PAPSS1: variants seen among roughly 807,000 people sequenced by gnomAD.
PAPSS1 encodes the protein bifunctional 3'-phosphoadenosine 5'-phosphosulfate synthase 1.
Under a neutral mutation model 72.0 loss-of-function variants are expected in PAPSS1, and 50 were observed. That is an observed-to-expected ratio of 0.69 (90% CI 0.55 to 0.88). The LOEUF is 0.88. Among genes scored for constraint, PAPSS1 ranks in the 40% least tolerant of loss-of-function variants. PAPSS1 has a pLI of 0.00. For synonymous variants in PAPSS1, 261 were observed against 263.6 expected, an observed-to-expected ratio of 0.99 and a Z score of 0.09; for missense variants, 657 against 782.2, an observed-to-expected ratio of 0.84 and a Z score of 1.91.
At chr4:107,648,357 A>G (rs1464221911) in intron 9 of PAPSS1, among the ~76,000 whole-genome samples, 2 of 152,234 alleles carry the variant, frequency 1.3e-5, no homozygotes, top group African/African-American at 4.8e-5. Flanking sequence ...GGCACAGTGC[A>G]GAGCGACCCA....
chr4:107,658,154 G>A (rs933125204), intron 6 of PAPSS1, among the ~76,000 whole-genome samples: 6 of 151,748 alleles, frequency 4.0e-5, no homozygotes, highest in African/African-American at 1.5e-4. Flanking sequence ...AATACTGGCT[G>A]AGGTCACTTG....
intron 5 of PAPSS1, among the ~76,000 whole-genome samples, chr4:107,667,685 T>C (rs1727356315): frequency 6.6e-6 from 1 of 152,156 alleles, no homozygotes; most frequent in South Asian, 2.1e-4. Flanking sequence ...ATTTACTTAG[T>C]TTATTTTAGA....
At chr4:107,624,075 A>G (rs929380133) in intron 11 of PAPSS1, among the ~76,000 whole-genome samples, 2 of 152,190 alleles carry the variant, frequency 1.3e-5, no homozygotes, top group South Asian at 4.1e-4. Context: ...GAACTGCCTT[A>G]TCTGGCTCCT....
intron 3 of PAPSS1, among the ~76,000 whole-genome samples, chr4:107,690,617 T>A (rs955260602): frequency 6.6e-6 from 1 of 152,248 alleles, no homozygotes; most frequent in African/African-American, 2.4e-5. Context: ...GTGGTTGACA[T>A]GGAAATTCCC....
At chr4:107,649,201 C>T (rs543271238) in intron 9 of PAPSS1, among the ~76,000 whole-genome samples, 4 of 152,320 alleles carry the variant, frequency 2.6e-5, no homozygotes, top group African/African-American at 9.6e-5. Flanking sequence ...AGGGTGGTGG[C>T]ATTAGCAGGC....
chr4:107,657,121 T>A, intron 6 of PAPSS1, 114 bp from the exon 7 acceptor site: 1 of 712,658 alleles, frequency 1.4e-6, no homozygotes, highest in Non-Finnish European at 2.6e-6. Flanking sequence ...AGTGTAAGGA[T>A]GAGTATAGAT....
chr4:107,625,231 G>C (rs1398079839), intron 11 of PAPSS1, among the ~76,000 whole-genome samples: 1 of 152,158 alleles, frequency 6.6e-6, no homozygotes, highest in East Asian at 1.9e-4. Flanking sequence ...TTTGTCCCCA[G>C]TGTTATTACC....
At chr4:107,695,087 T>C (rs1177202406) in intron 2 of PAPSS1, among the ~76,000 whole-genome samples, 1 of 152,182 alleles carries the variant, frequency 6.6e-6, no homozygotes, top group Non-Finnish European at 1.5e-5. Flanking sequence ...TTGGGCAGTA[T>C]GGCCATTTTC....
chr4:107,655,449 C>T (rs967153118), intron 7 of PAPSS1, among the ~76,000 whole-genome samples: 2 of 152,056 alleles, frequency 1.3e-5, no homozygotes, highest in Non-Finnish European at 2.9e-5. Context: ...CAAACTGATA[C>T]CAGCTATCAC....
chr4:107,671,218 T>C (rs2110329756), intron 5 of PAPSS1, among the ~76,000 whole-genome samples: 1 of 150,230 alleles, frequency 6.7e-6, no homozygotes, highest in South Asian at 2.1e-4. Flanking sequence ...AAAACATTAG[T>C]GAAAAAATAA....
At chr4:107,717,218 G>A (rs1282942120) in intron 1 of PAPSS1, among the ~76,000 whole-genome samples, 5 of 151,894 alleles carry the variant, frequency 3.3e-5, no homozygotes, top group Admixed American at 2.0e-4. Context: ...TTTATTTCGC[G>A]GTTACTTTTT....
At chr4:107,639,236 G>C (rs919049942) in intron 10 of PAPSS1, among the ~76,000 whole-genome samples, 1 of 152,104 alleles carries the variant, frequency 6.6e-6, no homozygotes, top group Non-Finnish European at 1.5e-5. Flanking sequence ...GCTTCCTAAT[G>C]AAATAAGTTC....
chr4:107,652,256 A>C (rs1253902652), intron 9 of PAPSS1, among the ~76,000 whole-genome samples: 4 of 152,234 alleles, frequency 2.6e-5, no homozygotes, highest in Non-Finnish European at 5.9e-5. Flanking sequence ...GTGGGAATTA[A>C]TTAGGAGCAC....
At chr4:107,614,517 T>A in intron 11 of PAPSS1, 130 bp from the exon 12 acceptor site, 1 of 614,392 alleles carries the variant, frequency 1.6e-6, no homozygotes, top group East Asian at 3.0e-5. Flanking sequence ...TACTTGTGAA[T>A]ATAAATCTCA....
intron 11 of PAPSS1, among the ~76,000 whole-genome samples, chr4:107,628,247 T>C (rs1199015710): frequency 6.6e-6 from 1 of 152,208 alleles, no homozygotes; most frequent in African/African-American, 2.4e-5. Context: ...CTGTCATTAA[T>C]GAGAAACCTA....
chr4:107,663,940 T>G (rs1397236986), intron 5 of PAPSS1, among the ~76,000 whole-genome samples: 1 of 152,248 alleles, frequency 6.6e-6, no homozygotes, highest in Non-Finnish European at 1.5e-5. Context: ...CCCAAGTTTT[T>G]AGTCAGCATG....
At chr4:107,638,277 C>T (rs995168605) in intron 10 of PAPSS1, among the ~76,000 whole-genome samples, 1 of 152,146 alleles carries the variant, frequency 6.6e-6, no homozygotes, top group African/African-American at 2.4e-5. Flanking sequence ...ACATACCTTA[C>T]AAAAACTCTC....
chr4:107,693,700 G>A (rs1047030516), intron 3 of PAPSS1, 71 bp downstream of exon 3: 4 of 1,050,056 alleles, frequency 3.8e-6, no homozygotes, highest in Non-Finnish European at 5.9e-6. Flanking sequence ...AATGTTTAAA[G>A]TATGTGCTTT....
At chr4:107,716,271 C>T (rs779260854) in intron 1 of PAPSS1, among the ~76,000 whole-genome samples, 1 of 152,202 alleles carries the variant, frequency 6.6e-6, no homozygotes, top group Non-Finnish European at 1.5e-5. Flanking sequence ...GAGGGCCACA[C>T]ATTTGTTAAG....
Sources: gnomAD v4.1 joint callset for allele counts (sites outside exome capture counted in the v4.1 genomes callset) on GRCh38, gnomAD v4.1.1 for gene constraint, MANE v1.5 for transcripts, NCBI Gene and HGNC (gene_info 2026-07-23, HGNC 2026-07-21) for gene names.